Variants in CACNA1C observed in about 807,000 individuals in gnomAD.
CACNA1C encodes voltage-dependent L-type calcium channel subunit alpha-1C.
In CACNA1C, 30 loss-of-function variants were observed where a neutral mutation model predicts 229.0. That is an observed-to-expected ratio of 0.13 (90% CI 0.10 to 0.18). The LOEUF is 0.18. Ranked by LOEUF, CACNA1C falls within the 10% of genes least tolerant of loss-of-function variation. CACNA1C has a pLI of 1.00. For missense variants in CACNA1C, 1,658 were observed against 2,845.0 expected (o/e 0.58, Z 9.49); for synonymous variants, 1,114 against 1,132.5 (o/e 0.98, Z 0.33).
chr12:2,226,995 T>C (rs1209534078), intron 3 of CACNA1C, among the ~76,000 whole-genome samples: 2 of 152,226 alleles, frequency 1.3e-5, no homozygotes, highest in Admixed American at 6.5e-5. Flanking sequence ...CTTGCAGATA[T>C]TGCTGCCGTT....
intron 9 of CACNA1C, among the ~76,000 whole-genome samples, chr12:2,538,303 G>A: frequency 6.6e-6 from 1 of 152,116 alleles, no homozygotes; most frequent in Non-Finnish European, 1.5e-5. Context: ...AAATCAACCA[G>A]GCTTTAATTG....
intron 3 of CACNA1C, among the ~76,000 whole-genome samples, chr12:2,166,641 C>T (rs76740974): frequency 6.6e-5 from 10 of 152,298 alleles, no homozygotes; most frequent in South Asian, 6.2e-4. Flanking sequence ...TGTAATGTAT[C>T]CCTCATAGCG....
At chr12:2,453,076 G>A (rs1054289535) in intron 4 of CACNA1C, among the ~76,000 whole-genome samples, 12 of 152,076 alleles carry the variant, frequency 7.9e-5, no homozygotes, top group African/African-American at 1.2e-4. Flanking sequence ...CTCAAACTTC[G>A]TTCGGCTGCA....
At position 2,115,775 on chromosome 12, in the gene CACNA1C, A is replaced by C. The variant is rs112435887; in HGVS notation, c.371+230A>C. Among the ~76,000 whole-genome samples the C allele has an allele frequency of 0.013, 1,960 of 152,376 alleles. 51 individuals carry two copies. Among genetic ancestry groups the C allele is most frequent in the African/African-American group, 0.044 (1,848 of 41,596 alleles). ...CGGGGCCCAGCAATCTGCTTGTATAATAAGCTGCCTGGGTTGGGTTTTTGT... is the reference window on the plus strand; with the variant it reads ...CGGGGCCCAGCAATCTGCTTGTATACTAAGCTGCCTGGGTTGGGTTTTTGT... On this transcript the variant is annotated intron_variant, in intron 2 of 46. Coordinates refer to ENST00000399655, the MANE Select transcript of CACNA1C (RefSeq NM_000719.7).
chr12:2,535,653 C>T (rs1339790412), intron 9 of CACNA1C, among the ~76,000 whole-genome samples: 1 of 138,524 alleles, frequency 7.2e-6, no homozygotes, highest in African/African-American at 2.7e-5. Context: ...CTGCTGCAAG[C>T]TGTGATCACA....
rs145804073 is a variant in CACNA1C at position 2,105,422 on chromosome 12, C to G, written c.50-9802C>G. Among the ~76,000 whole-genome samples the G allele has an allele frequency of 8.6e-3, 1,307 of 152,284 alleles. 17 individuals are homozygous for G. The highest frequency in any genetic ancestry group is 0.029 in the African/African-American group (1,214 of 41,546). ...GGTCATGGGGCCTGTTCTGGGCACC[C>G]CACCTCTCATGAACTGTGTCTGTAG... On this transcript the variant is annotated intron_variant, in intron 1 of 46. Coordinates refer to ENST00000399655, the MANE Select transcript of CACNA1C (RefSeq NM_000719.7).
intron 3 of CACNA1C, among the ~76,000 whole-genome samples, chr12:2,256,997 CAACACAACAGAATGT>C (rs2078162024): frequency 6.6e-6 from 1 of 152,120 alleles, no homozygotes; most frequent in Non-Finnish European, 1.5e-5. Context: ...CGTGGTGACT[CAACACAACAGAATGT>C]AAACCCAATC....
At chr12:2,338,396 G>A (rs1311502567) in intron 3 of CACNA1C, among the ~76,000 whole-genome samples, 1 of 152,162 alleles carries the variant, frequency 6.6e-6, no homozygotes, top group Non-Finnish European at 1.5e-5. Context: ...AGATGCCAAG[G>A]CCAATGGACA....
chr12:2,473,992 G>A (rs2099606871), intron 5 of CACNA1C, among the ~76,000 whole-genome samples: 1 of 151,722 alleles, frequency 6.6e-6, no homozygotes, highest in Admixed American at 6.6e-5. Flanking sequence ...TCCATCTCAA[G>A]AACATCCAGG....
intron 1 of CACNA1C, among the ~76,000 whole-genome samples, chr12:2,000,543 T>C (rs1309644134): frequency 6.6e-6 from 1 of 152,134 alleles, no homozygotes; most frequent in South Asian, 2.1e-4. Context: ...GGCATGCTTC[T>C]CCTAAAATTA....
At chr12:2,450,160 A>G (rs959754327) in intron 4 of CACNA1C, among the ~76,000 whole-genome samples, 2 of 152,344 alleles carry the variant, frequency 1.3e-5, no homozygotes, top group African/African-American at 2.4e-5. Context: ...AAAATGTAGA[A>G]GAGATCTCCT....
Position 2,011,313 on chromosome 12 carries a change from GA to G in CACNA1C, c.139+40113del, listed in dbSNP as rs1469400899. On this transcript the variant is annotated intron_variant, in intron 1 of 46. Coordinates refer to the CACNA1C transcript ENST00000682462. ...TCTGTGTCACATTATTGAGGAAGAT[GA>G]TATTGGATGTGGCTGATTTCACATA... The G allele has an allele frequency of 2.0e-5, 3 of 152,220 alleles. No individual in the cohort carries two copies. In the East Asian group the frequency reaches 5.8e-4, roughly 29 times the overall value. 9.4% of individuals were successfully genotyped at this position (152,220 alleles called of 1,614,324 possible).
At chr12:2,171,325 C>G (rs1598014826) in intron 3 of CACNA1C, among the ~76,000 whole-genome samples, 1 of 152,238 alleles carries the variant, frequency 6.6e-6, no homozygotes, top group South Asian at 2.1e-4. Flanking sequence ...CCACCCCAGC[C>G]AGCTCACAGA....
At chr12:2,222,975 A>T (rs2061869183) in intron 3 of CACNA1C, among the ~76,000 whole-genome samples, 1 of 152,136 alleles carries the variant, frequency 6.6e-6, no homozygotes, top group African/African-American at 2.4e-5. Flanking sequence ...TAAAGGAGAC[A>T]TTTGCTTTTT....
At chr12:2,662,135 A>C (rs770620821) in intron 34 of CACNA1C, among the ~76,000 whole-genome samples, 1 of 151,880 alleles carries the variant, frequency 6.6e-6, no homozygotes, top group Non-Finnish European at 1.5e-5. Context: ...CCAGCTACTC[A>C]GGAGGCTAAG....
rs146174115 is a variant in CACNA1C, at chr12:2,067,023, C to T, written c.49+13412C>T. 2.6e-4 allele frequency among the ~76,000 whole-genome samples: 40 copies of T among 152,222 alleles called. No individual in the cohort carries two copies. The highest frequency in any genetic ancestry group is 6.3e-4 in the African/African-American group (26 of 41,530). ...AAGGGTGCCCAGGTCCCAGAGGCAC[C>T]GGCCGAGGTCTGGAAGCATGAGTTA... On this transcript the variant is annotated intron_variant, in intron 1 of 46. Transcript: ENST00000399655. This position sits in a 1 kb window ranked among gnomAD's most constrained non-coding sequence, Gnocchi z 5.3.
intron 3 of CACNA1C, among the ~76,000 whole-genome samples, chr12:2,399,300 AG>A: frequency 6.6e-6 from 1 of 152,308 alleles, no homozygotes; most frequent in African/African-American, 2.4e-5. Flanking sequence ...AGGTCAGTGG[AG>A]GATCAGGGCG....
In CACNA1C at chr12:2,405,114, A is replaced by G. The variant is rs1432615659; in HGVS notation, c.478-43862A>G. Among the ~76,000 whole-genome samples the G allele has an allele frequency of 2.6e-5, 4 of 152,220 alleles. No homozygotes were observed. In the East Asian group the frequency reaches 7.7e-4, roughly 29 times the overall value. On this transcript the variant is annotated intron_variant, in intron 3 of 46. Transcript: ENST00000399655. ...TGGAAAGAATACGGACGGGATATAGATACATTCTACTGATCCAAGTCACTT... is the reference window on the plus strand; with the variant it reads ...TGGAAAGAATACGGACGGGATATAGGTACATTCTACTGATCCAAGTCACTT...
intron 3 of CACNA1C, among the ~76,000 whole-genome samples, chr12:2,186,646 C>T (rs1023221140): frequency 6.6e-6 from 1 of 152,206 alleles, no homozygotes; most frequent in Non-Finnish European, 1.5e-5. Flanking sequence ...TCAGCACTTA[C>T]ACGTTTCCAT....
Sources: gnomAD v4.1 joint callset for allele counts (sites outside exome capture counted in the v4.1 genomes callset) on GRCh38, gnomAD v4.1.1 for gene constraint, Gnocchi (gnomAD v3.1) non-coding constraint, MANE v1.5 for transcripts, NCBI Gene and HGNC (gene_info 2026-07-23, HGNC 2026-07-21) for gene names.